The following FAM90A1 variants were observed in gnomAD, a reference collection of about 807,000 sequenced individuals.
FAM90A1 encodes family with sequence similarity 90 member A1.
A neutral mutation model predicts 14.8 loss-of-function variants in FAM90A1; 10 were observed. That is an observed-to-expected ratio of 0.67 (90% CI 0.42 to 1.14). FAM90A1 has a LOEUF of 1.14. Ranked by LOEUF, FAM90A1 falls within the 50% of genes most tolerant of loss-of-function variation. The pLI, the probability that FAM90A1 is intolerant of heterozygous loss-of-function variation, is 0.00. For missense variants in FAM90A1, 567 were observed against 602.8 expected (o/e 0.94, Z 0.62); for synonymous variants, 236 against 248.4 (o/e 0.95, Z 0.47).
At position 8,222,348 on chromosome 12, in the gene FAM90A1, G is replaced by A. The variant is rs1464740148; in HGVS notation, c.869C>T (p.Ala290Val). The change falls in exon 7 of 7, where the codon GCC (alanine) becomes GTC (valine). Residue 290 changes from alanine to valine, a missense_variant. Coordinates refer to ENST00000538603, the MANE Select transcript of FAM90A1 (RefSeq NM_018088.3). ...AATCGGAGCCGGGGCAGATCTCTTG[G>A]CTCCTGGCCCGAAGCTGAGATTGGA... is the stretch of plus-strand genomic sequence containing the variant. ...LGSNLSFGPGAKRSAPAPIQA... is the reference protein window; with the variant it reads ...LGSNLSFGPGVKRSAPAPIQA... The A allele has an allele frequency of 4.3e-6, 7 of 1,611,592 alleles. No homozygotes were observed. In the Admixed American group the frequency reaches 6.7e-5, roughly 15 times the overall value.
chr12:8,224,247 T>C (rs770373770), intron 4 of FAM90A1, 32 bp from the exon 5 acceptor site: 5 of 1,564,684 alleles, frequency 3.2e-6, no homozygotes, highest in Non-Finnish European at 4.4e-6. Flanking sequence ...TGTCAGTGAG[T>C]GAGCTGAAGC....
rs781303049 is a variant in FAM90A1, at chr12:8,221,711, G to A, written c.*111C>T. On this transcript the variant is annotated 3_prime_UTR_variant, in exon 7 of 7. Coordinates refer to ENST00000538603, the MANE Select transcript of FAM90A1 (RefSeq NM_018088.3). Reference sequence around the variant, plus strand: ...CATCCACAGAAGGGCCACAGCCGGGGAGCTTCGGAGTCACCGCACAGAGTC... The same window carrying A: ...CATCCACAGAAGGGCCACAGCCGGGAAGCTTCGGAGTCACCGCACAGAGTC... The A allele has an allele frequency of 4.8e-6, 6 of 1,246,560 alleles. No homozygotes were observed. The highest frequency in any genetic ancestry group is 6.8e-6 in the Non-Finnish European group (6 of 882,986). 77.2% of individuals were successfully genotyped at this position (1,246,560 alleles called of 1,614,324 possible). A position where few individuals can be genotyped will look rare whatever the true frequency, so the allele number is the denominator to read the frequency against.
Position 8,221,849 on chromosome 12 carries a change from T to C in FAM90A1, c.1368A>G (p.Ser456=). The part of the protein sequence containing the change: ...LYEDLQVPSS[S]EDSDSDLE ...ACTCCAGGTCAGAATCGCTGTCCTC[T>C]GAGGAGGAGGGAACCTGAAGGTCCT... The change falls in exon 7 of 7, where the codon TCA becomes TCG. Residue 456 remains serine (S), a synonymous_variant. Coordinates refer to ENST00000538603, the MANE Select transcript of FAM90A1 (RefSeq NM_018088.3). 6.3e-7 allele frequency: 1 copy of C among 1,596,148 alleles called. No homozygotes were observed. The highest frequency in any genetic ancestry group is 8.5e-7 in the Non-Finnish European group (1 of 1,179,548).
chr12:8,224,044 C>T lies in FAM90A1; in HGVS notation c.295G>A (p.Asp99Asn), dbSNP rs771934323. 3.1e-6 allele frequency: 5 copies of T among 1,611,898 alleles called. No homozygotes were observed. Among genetic ancestry groups the T allele is most frequent in the African/African-American group, 2.7e-5 (2 of 74,856 alleles). ...VEANPGPLNK[D>N]KGEKEERPRP... ...GGTCTCTCTTCCTTCTCTCCCTTAT[C>T]CTTGTTCAAGGGCCCAGGGTTCGCT... Residue 99 changes from aspartate (D) to asparagine (N), a missense_variant, in exon 5 of 7, where the codon GAT becomes AAT. Transcript: ENST00000538603.
Position 8,222,489 on chromosome 12 carries a change from G to T in FAM90A1, c.728C>A (p.Ala243Asp). Residue 243 changes from alanine to aspartate, a missense_variant, in exon 7 of 7, where the codon GCT becomes GAT. Ala to Asp is a moderately radical substitution (Grantham distance 126). Coordinates refer to ENST00000538603, the MANE Select transcript of FAM90A1 (RefSeq NM_018088.3). ...GAGCAGGCCGTGGGTTTTGGAGGCA[G>T]CCTGGGGAACTTCTCGACAGCCACC... is the stretch of plus-strand genomic sequence containing the variant. ...PAGGCREVPQAASKTHGLLQA... is the reference protein window; with the variant it reads ...PAGGCREVPQDASKTHGLLQA... 1 of 1,610,204 alleles carries T rather than the reference G, an allele frequency of 6.2e-7. No homozygotes were observed. Among genetic ancestry groups the T allele is most frequent in the Non-Finnish European group, 8.5e-7 (1 of 1,178,470 alleles).
intron 6 of FAM90A1, 103 bp from the exon 7 acceptor site, chr12:8,222,887 G>A (rs1479124185): frequency 3.5e-5 from 46 of 1,306,756 alleles, no homozygotes; most frequent in Admixed American, 5.9e-5. Context: ...GAAATTCTTA[G>A]TACACTATCG....
chr12:8,221,440 G>A lies in FAM90A1; in HGVS notation c.*382C>T. The A allele has an allele frequency of 2.7e-6, 1 of 369,124 alleles. No homozygotes were observed. The highest frequency in any genetic ancestry group is 6.7e-5 in the East Asian group (1 of 14,996). The allele number at this position is 369,124 out of a possible 1,614,324, so 22.9% of individuals were successfully genotyped here. On this transcript the variant is annotated 3_prime_UTR_variant, in exon 7 of 7. Transcript: ENST00000538603. Reference sequence around the variant, plus strand: ...CACAGCGGAAGGGCTGCACCTCTCAGGGTTCCCTAACTTTTCCCTTATTCA... The same window carrying A: ...CACAGCGGAAGGGCTGCACCTCTCAAGGTTCCCTAACTTTTCCCTTATTCA...
chr12:8,223,782 C>T (rs1430013427), intron 5 of FAM90A1, among the ~76,000 whole-genome samples: 1 of 152,200 alleles, frequency 6.6e-6, no homozygotes, highest in Non-Finnish European at 1.5e-5. Flanking sequence ...CACTTTTCCC[C>T]CTGTCGTGGG....
In FAM90A1 at chr12:8,222,208, C is replaced by A; in HGVS notation, c.1009G>T (p.Ala337Ser). The A allele has an allele frequency of 6.2e-7, 1 of 1,611,926 alleles. No individual in the cohort carries two copies. ...APENLQPPPA[A>S]TELGPRTSPQ... The stretch of plus-strand genomic sequence containing the variant: ...GACGTACGTGGTCCAAGTTCGGTTG[C>A]GGCTGGCGGAGGTTGGAGATTCTCC... Residue 337 changes from alanine (A) to serine (S), a missense_variant, in exon 7 of 7, where the codon GCA becomes TCA. Physicochemically the swap from Ala to Ser is moderately conservative, Grantham distance 99. Coordinates refer to ENST00000538603, the MANE Select transcript of FAM90A1 (RefSeq NM_018088.3).
At position 8,222,293 on chromosome 12, in the gene FAM90A1, C is replaced by T. The variant is rs746394957; in HGVS notation, c.924G>A (p.Pro308=). ...IQACLNFPKK[P]RLGPFQIPES... ...CGGGGATCTGGAAGGGACCCAGTCTCGGTTTCTTGGGGAAGTTCAGGCAAG... is the reference window on the plus strand; with the variant it reads ...CGGGGATCTGGAAGGGACCCAGTCTTGGTTTCTTGGGGAAGTTCAGGCAAG... Residue 308 remains proline, a synonymous_variant, in exon 7 of 7, where the codon CCG becomes CCA. Transcript: ENST00000538603. 15 of 1,611,256 alleles carry T rather than the reference C, an allele frequency of 9.3e-6. No individual in the cohort carries two copies. In the South Asian group the frequency reaches 1.4e-4, roughly 15 times the overall value.
intron 6 of FAM90A1, among the ~76,000 whole-genome samples, 191 bp from the exon 7 acceptor site, chr12:8,222,975 C>G (rs772645865): frequency 6.6e-6 from 1 of 152,348 alleles, no homozygotes; most frequent in South Asian, 2.1e-4. Flanking sequence ...GATGCGCTCT[C>G]GAGCTATGTG....
chr12:8,222,903 C>A (rs749162221), intron 6 of FAM90A1, 119 bp from the exon 7 acceptor site: 5 of 1,168,488 alleles, frequency 4.3e-6, no homozygotes, highest in Non-Finnish European at 6.1e-6. Context: ...TATCGACAGG[C>A]GGTCCTTGGA....
intron 1 of FAM90A1, among the ~76,000 whole-genome samples, chr12:8,226,828 G>A (rs2953220): frequency 5.9e-5 from 1 of 16,874 alleles, no homozygotes; most frequent in Non-Finnish European, 1.4e-4. Context: ...TTTTTTTTTT[G>A]AGACACAGTC....
intron 4 of FAM90A1, 95 bp from the exon 5 acceptor site, chr12:8,224,310 A>C: frequency 8.9e-7 from 1 of 1,125,102 alleles, no homozygotes. Context: ...TTCAGAGCTG[A>C]ATAAGGATTC....
rs1291391593 is a variant in FAM90A1 at position 8,222,054 on chromosome 12, C to G, written c.1163G>C (p.Gly388Ala). 1.2e-6 allele frequency: 2 copies of G among 1,605,750 alleles called. No homozygotes were observed. Among genetic ancestry groups the G allele is most frequent in the Non-Finnish European group, 1.7e-6 (2 of 1,179,964 alleles). ...AAAGAGCACTCTGAGAGGCTGGGCC[C>G]CATCATGGCTGGCCGCTGGGTGATG... is the stretch of plus-strand genomic sequence containing the variant. ...MSHHPAASHD[G>A]AQPLRVLFRR... Residue 388 changes from glycine to alanine, a missense_variant, in exon 7 of 7, where the codon GGG (glycine) becomes GCG (alanine). By Grantham distance (60) the Gly-to-Ala change is moderately conservative. Transcript: ENST00000538603.
intron 3 of FAM90A1, 26 bp from the exon 4 acceptor site, chr12:8,224,914 G>C: frequency 6.5e-7 from 1 of 1,546,428 alleles, no homozygotes; most frequent in Non-Finnish European, 8.8e-7. Flanking sequence ...ACACACACAA[G>C]TCGATGGTTA....
rs145267317 is a variant in FAM90A1, at chr12:8,221,714, C to G, written c.*108G>C. On this transcript the variant is annotated 3_prime_UTR_variant, in exon 7 of 7. Coordinates refer to ENST00000538603, the MANE Select transcript of FAM90A1 (RefSeq NM_018088.3). ...CCACAGAAGGGCCACAGCCGGGGAG[C>G]TTCGGAGTCACCGCACAGAGTCTGC... The G allele has an allele frequency of 3.9e-6, 5 of 1,286,280 alleles. No individual in the cohort carries two copies. Among genetic ancestry groups the G allele is most frequent in the Non-Finnish European group, 5.5e-6 (5 of 916,468 alleles). 79.7% of individuals were successfully genotyped at this position (1,286,280 alleles called of 1,614,324 possible).
chr12:8,225,600 C>T (rs1404737261), intron 3 of FAM90A1, among the ~76,000 whole-genome samples: 1 of 152,100 alleles, frequency 6.6e-6, no homozygotes, highest in Non-Finnish European at 1.5e-5. Flanking sequence ...TTCCATTTAC[C>T]CACCAATTCA....
At chr12:8,226,658 T>C (rs1948949423) in intron 1 of FAM90A1, among the ~76,000 whole-genome samples, 180 bp from the exon 2 acceptor site, 1 of 152,150 alleles carries the variant, frequency 6.6e-6, no homozygotes, top group Admixed American at 6.5e-5. Context: ...TAGGGTCTTA[T>C]ACTGCTTTAC....
Sources: allele counts gnomAD v4.1 joint callset (sites outside exome capture counted in the v4.1 genomes callset), GRCh38; gene constraint gnomAD v4.1.1; transcripts MANE v1.5; gene names NCBI Gene and HGNC (gene_info 2026-07-23, HGNC 2026-07-21).